The following TTC39C variants were observed in gnomAD, a reference collection of about 807,000 sequenced individuals.
The protein encoded by TTC39C is tetratricopeptide repeat domain 39C, also known as tetratricopeptide repeat protein 39C.
Under a neutral mutation model 76.3 loss-of-function variants are expected in TTC39C, and 33 were observed. The observed-to-expected ratio is 0.43, with a 90% confidence interval of 0.33 to 0.58. The LOEUF (loss-of-function observed/expected upper bound fraction) is 0.58, where lower values mean the gene tolerates loss of function less well. Ranked by LOEUF, TTC39C falls within the 20% of genes least tolerant of loss-of-function variation. TTC39C has a pLI of 0.04. For missense variants in TTC39C, 595 were observed against 701.4 expected, an observed-to-expected ratio of 0.85 and a Z score of 1.71; for synonymous variants, 254 against 260.6, an observed-to-expected ratio of 0.97 and a Z score of 0.24.
intron 3 of TTC39C, among the ~76,000 whole-genome samples, chr18:24,068,044 G>A (rs983733365): frequency 2.4e-4 from 37 of 152,062 alleles, no homozygotes; most frequent in Admixed American, 6.5e-5. Flanking sequence ...CCTTCAGAGA[G>A]CTTTCTACAG....
chr18:24,032,397 T>C (rs2083681676), intron 1 of TTC39C, among the ~76,000 whole-genome samples: 1 of 152,218 alleles, frequency 6.6e-6, no homozygotes, highest in Admixed American at 6.5e-5. Context: ...ATCTCATTTT[T>C]TTCATATGAA....
intron 1 of TTC39C, among the ~76,000 whole-genome samples, chr18:24,027,165 G>A (rs925145203): frequency 9.2e-5 from 14 of 152,014 alleles, no homozygotes; most frequent in South Asian, 6.2e-4. Context: ...GGTGGTGGGT[G>A]CCTGTAGTCC....
At chr18:24,054,271 A>T (rs2083987892) in intron 1 of TTC39C, among the ~76,000 whole-genome samples, 1 of 152,130 alleles carries the variant, frequency 6.6e-6, no homozygotes, top group South Asian at 2.1e-4. Flanking sequence ...CATAAGCAGG[A>T]TTTGGCTGTC....
chr18:24,088,989 G>C (rs1163699482), intron 6 of TTC39C, among the ~76,000 whole-genome samples: 1 of 152,200 alleles, frequency 6.6e-6, no homozygotes, highest in Non-Finnish European at 1.5e-5. Context: ...TGTTTATTAA[G>C]ATAAAGTTCC....
intron 1 of TTC39C, among the ~76,000 whole-genome samples, chr18:24,032,977 G>A (rs1250107744): frequency 6.6e-6 from 1 of 152,220 alleles, no homozygotes; most frequent in Non-Finnish European, 1.5e-5. Flanking sequence ...TGCTGGCTGG[G>A]TGCAGTGGCT....
Position 24,097,514 on chromosome 18 carries a change from G to C in TTC39C, c.984+14433G>C, listed in dbSNP as rs1414970295. Among the ~76,000 whole-genome samples the C allele has an allele frequency of 3.3e-5, 5 of 152,180 alleles. No individual in the cohort carries two copies. In the East Asian group the frequency reaches 9.6e-4, roughly 29 times the overall value. ...TTTGGCACCCATCAAGTGAAACTTT[G>C]CTCATCTTTTTTGGTCAGAATGGTG... On this transcript the variant is annotated intron_variant, in intron 6 of 13. Coordinates refer to ENST00000317571, the MANE Select transcript of TTC39C (RefSeq NM_001135993.2).
chr18:24,062,107 C>T (rs913510105), intron 1 of TTC39C, among the ~76,000 whole-genome samples: 1 of 152,186 alleles, frequency 6.6e-6, no homozygotes, highest in Non-Finnish European at 1.5e-5. Flanking sequence ...TCTTTTCCCC[C>T]CTCTTAAATG....
At chr18:24,096,338 T>C (rs1301123925) in intron 6 of TTC39C, among the ~76,000 whole-genome samples, 5 of 152,240 alleles carry the variant, frequency 3.3e-5, no homozygotes, top group African/African-American at 1.2e-4. Context: ...AATATAAATA[T>C]TAGTGAAGTT....
Position 24,129,752 on chromosome 18 carries a change from C to T in TTC39C, c.1519-561C>T, listed in dbSNP as rs556773006. On this transcript the variant is annotated intron_variant, in intron 11 of 13. Transcript: ENST00000317571. ...TCATACCACTGTACTCCAGCCTGGG[C>T]GACACAGCAAGACTCCATCTCAAAA... 4.4e-3 allele frequency among the ~76,000 whole-genome samples: 581 copies of T among 132,508 alleles called. 2 individuals carry two copies. The highest frequency in any genetic ancestry group is 6.6e-3 in the Non-Finnish European group (428 of 64,954). 86.9% of individuals were successfully genotyped at this position (132,508 alleles called of 152,430 possible).
In TTC39C at chr18:24,134,261, T is replaced by TG. The variant is rs2085170781; in HGVS notation, c.*1687_*1688insG. ...GCCCAAAAATATTGGACATCTGTTT[T>TG]TTGTTTTTTTTTTTTTTTTTTTTTT... is the stretch of plus-strand genomic sequence containing the variant. On this transcript the variant is annotated 3_prime_UTR_variant, in exon 14 of 14. Coordinates refer to ENST00000317571, the MANE Select transcript of TTC39C (RefSeq NM_001135993.2). 2.3e-5 allele frequency: 1 copy of TG among 43,728 alleles called. No individual in the cohort carries two copies. The highest frequency in any genetic ancestry group is 2.9e-4 in the Admixed American group (1 of 3,442). The allele number at this position is 43,728 out of a possible 1,614,324, so 2.7% of individuals were successfully genotyped here.
Position 24,133,803 on chromosome 18 carries a change from CA to C in TTC39C, c.*1231del, listed in dbSNP as rs1347797411. On this transcript the variant is annotated 3_prime_UTR_variant, in exon 14 of 14. Coordinates refer to ENST00000317571, the MANE Select transcript of TTC39C (RefSeq NM_001135993.2). ...TAAGAATCTCTGCCATAATTTGGCT[CA>C]ATGTTTAAGGTTAGATTTTTAAAGA... The C allele has an allele frequency of 2.0e-5, 3 of 152,000 alleles. No individual in the cohort carries two copies. Among genetic ancestry groups the C allele is most frequent in the African/African-American group, 7.3e-5 (3 of 41,374 alleles). 9.4% of individuals were successfully genotyped at this position (152,000 alleles called of 1,614,324 possible).
In TTC39C at chr18:24,134,253, ATC is replaced by A. The variant is rs1339097551; in HGVS notation, c.*1681_*1682del. On this transcript the variant is annotated 3_prime_UTR_variant, in exon 14 of 14. Coordinates refer to ENST00000317571, the MANE Select transcript of TTC39C (RefSeq NM_001135993.2). ...AAATTGGTGCCCAAAAATATTGGAC[ATC>A]TGTTTTTTGTTTTTTTTTTTTTTTT... 51 of 111,312 alleles carry A rather than the reference ATC, an allele frequency of 4.6e-4. No homozygotes were observed. Among genetic ancestry groups the A allele is most frequent in the African/African-American group, 1.6e-3 (47 of 29,424 alleles). 6.9% of individuals were successfully genotyped at this position (111,312 alleles called of 1,614,324 possible). A position where few individuals can be genotyped will look rare whatever the true frequency, so the allele number is the denominator to read the frequency against.
chr18:24,105,292 T>C (rs1216301696), intron 6 of TTC39C, among the ~76,000 whole-genome samples: 1 of 152,088 alleles, frequency 6.6e-6, no homozygotes, highest in Non-Finnish European at 1.5e-5. Context: ...GGAAGAATGA[T>C]TGGCTAATAC....
rs767126471 is a variant in TTC39C, at chr18:24,083,046, T to G, written c.949T>G (p.Phe317Val). Reference sequence around the variant, plus strand: ...AGCTGCTTATCCAAATTCTTCCCTCTTTATGTTTTTCAAGGGACGGATACA... The same window carrying G: ...AGCTGCTTATCCAAATTCTTCCCTCGTTATGTTTTTCAAGGGACGGATACA... Reference protein sequence around the residue: ...KEAAYPNSSLFMFFKGRIQRL... With the variant: ...KEAAYPNSSLVMFFKGRIQRL... Residue 317 changes from phenylalanine (F) to valine (V), a missense_variant, in exon 6 of 14, where the codon TTT becomes GTT. Physicochemically the swap from Phe to Val is conservative, Grantham distance 50 (BLOSUM62 -1). Transcript: ENST00000317571. 6.8e-6 allele frequency: 11 copies of G among 1,614,084 alleles called. No homozygotes were observed. Among genetic ancestry groups the G allele is most frequent in the Non-Finnish European group, 8.5e-6 (10 of 1,179,968 alleles).
intron 6 of TTC39C, among the ~76,000 whole-genome samples, chr18:24,085,577 G>A (rs1237898460): frequency 2.0e-5 from 3 of 152,196 alleles, no homozygotes; most frequent in African/African-American, 7.2e-5. Flanking sequence ...AAATAAGGAA[G>A]CCACAGCTTC....
intron 1 of TTC39C, among the ~76,000 whole-genome samples, chr18:24,015,954 G>T (rs1687005234): frequency 6.6e-6 from 1 of 152,162 alleles, no homozygotes; most frequent in Non-Finnish European, 1.5e-5. Context: ...ACGTTGATTA[G>T]CAGCTTTCCC....
chr18:24,050,449 A>G (rs1384600820), intron 1 of TTC39C, among the ~76,000 whole-genome samples: 4 of 151,780 alleles, frequency 2.6e-5, no homozygotes, highest in Admixed American at 1.3e-4. Context: ...CCATGCCTGT[A>G]GTCCCAACTA....
Position 24,118,138 on chromosome 18 carries a change from G to T in TTC39C, c.1092G>T (p.Met364Ile). 1.9e-6 allele frequency: 3 copies of T among 1,613,844 alleles called. No homozygotes were observed. Among genetic ancestry groups the T allele is most frequent in the Non-Finnish European group, 2.5e-6 (3 of 1,179,880 alleles). Residue 364 changes from methionine (M) to isoleucine (I), a missense_variant, in exon 8 of 14, where the codon ATG (methionine) becomes ATT (isoleucine). Met to Ile is a conservative substitution (Grantham distance 10). Transcript: ENST00000317571. ...VCLYEIGWCS[M>I]IELNFKDAFD... ...TTTCTTTCATAGGTTGGTGCAGCAT[G>T]ATAGAGCTCAATTTCAAGGATGCAT...
intron 1 of TTC39C, among the ~76,000 whole-genome samples, chr18:24,028,002 C>T (rs76124767): frequency 8.5e-5 from 13 of 152,230 alleles, no homozygotes; most frequent in African/African-American, 3.1e-4. Flanking sequence ...ATCTGGAATG[C>T]CATTTGCTTC....
Sources: gnomAD v4.1 joint callset for allele counts (sites outside exome capture counted in the v4.1 genomes callset) on GRCh38, gnomAD v4.1.1 for gene constraint, MANE v1.5 for transcripts, NCBI Gene and HGNC (gene_info 2026-07-23, HGNC 2026-07-21) for gene names.